Variants in RAB31 observed in about 807,000 individuals in gnomAD.
RAB31 encodes the protein ras-related protein Rab-31.
Under a neutral mutation model 25.6 loss-of-function variants are expected in RAB31, and 21 were observed. That is an observed-to-expected ratio of 0.82 (90% CI 0.58 to 1.18). The LOEUF is 1.18. Ranked by LOEUF, RAB31 falls within the 50% of genes most tolerant of loss-of-function variation. The probability of loss-of-function intolerance (pLI) is 0.00; values close to 1 mark genes in which losing one functional copy is unlikely to be tolerated. For synonymous variants in RAB31, 87 were observed against 84.0 expected (o/e 1.04, Z -0.20); for missense variants, 196 against 250.1 (o/e 0.78, Z 1.46).
chr18:9,725,486 G>A (rs540569573), intron 1 of RAB31, among the ~76,000 whole-genome samples: 4 of 152,264 alleles, frequency 2.6e-5, no homozygotes, highest in East Asian at 1.9e-4. Flanking sequence ...AGGATGCTTC[G>A]AGCAATAGAA....
intron 5 of RAB31, among the ~76,000 whole-genome samples, chr18:9,837,295 A>G (rs1042523826): frequency 6.6e-6 from 1 of 152,252 alleles, no homozygotes. Context: ...TGGAATAAAT[A>G]AGAGAAGGAA....
intron 1 of RAB31, among the ~76,000 whole-genome samples, chr18:9,747,255 C>T (rs28816142): frequency 0.054 from 8,260 of 151,974 alleles, 746 homozygotes; most frequent in African/African-American, 0.19. Context: ...AAAATGTTGG[C>T]GAGGATGTGC....
chr18:9,783,481 G>A lies in RAB31; in HGVS notation c.119+8124G>A, dbSNP rs2298505. 3.3e-5 allele frequency among the ~76,000 whole-genome samples: 5 copies of A among 152,232 alleles called. No individual in the cohort carries two copies. In the East Asian group the frequency reaches 7.7e-4, roughly 23 times the overall value. ...CTAACCCTGAGGAGAACTTTTTAAGGGTAGTAGGGTTGCTGTATTATTTAT... is the reference window on the plus strand; with the variant it reads ...CTAACCCTGAGGAGAACTTTTTAAGAGTAGTAGGGTTGCTGTATTATTTAT... On this transcript the variant is annotated intron_variant, in intron 2 of 6. Transcript: ENST00000578921.
intron 5 of RAB31, among the ~76,000 whole-genome samples, chr18:9,839,317 G>C (rs1213083877): frequency 6.6e-6 from 1 of 152,186 alleles, no homozygotes; most frequent in Admixed American, 6.5e-5. Flanking sequence ...GGGCAAACAG[G>C]GGAAGAGTAA....
At chr18:9,744,308 G>T (rs1003834598) in intron 1 of RAB31, among the ~76,000 whole-genome samples, 5 of 152,150 alleles carry the variant, frequency 3.3e-5, no homozygotes, top group African/African-American at 1.2e-4. Flanking sequence ...ATGCAAAAAT[G>T]TCTGTTAGCA....
chr18:9,748,788 G>A lies in RAB31; in HGVS notation c.40-26490G>A, dbSNP rs972250781. Among the ~76,000 whole-genome samples the A allele has an allele frequency of 3.3e-5, 5 of 152,104 alleles. 1 individual carries two copies. Among genetic ancestry groups the A allele is most frequent in the South Asian group, 2.1e-4 (1 of 4,826 alleles). On this transcript the variant is annotated intron_variant, in intron 1 of 6. Coordinates refer to ENST00000578921, the MANE Select transcript of RAB31 (RefSeq NM_006868.4). ...TGCCTGTAATCCCAGCTACTCGGGA[G>A]GCTGAGGCAAGAGAATCACTTGAAC...
rs555336489 is a variant in RAB31, at chr18:9,809,702, C to T, written c.202-4318C>T. Reference sequence around the variant, plus strand: ...CTAAGCCAAAATTTATGTGTCCATTCTTTAATTGTTAGACATTGAGATTGC... The same window carrying T: ...CTAAGCCAAAATTTATGTGTCCATTTTTTAATTGTTAGACATTGAGATTGC... On this transcript the variant is annotated intron_variant, in intron 3 of 6. Coordinates refer to ENST00000578921, the MANE Select transcript of RAB31 (RefSeq NM_006868.4). 2.6e-4 allele frequency among the ~76,000 whole-genome samples: 40 copies of T among 152,300 alleles called. 2 individuals are homozygous for T. The South Asian group carries it at 8.1e-3, about 31-fold the overall frequency.
Position 9,744,837 on chromosome 18 carries a change from T to C in RAB31, c.40-30441T>C, listed in dbSNP as rs147968719. The stretch of plus-strand genomic sequence containing the variant: ...AGAGCAGTGCTCAGAGGGAAACTTA[T>C]AGCCATAAACACCTACATTAAAAAA... On this transcript the variant is annotated intron_variant, in intron 1 of 6. Transcript: ENST00000578921. 4.3e-3 allele frequency among the ~76,000 whole-genome samples: 655 copies of C among 152,274 alleles called. 4 individuals carry two copies. The highest frequency in any genetic ancestry group is 0.015 in the African/African-American group (633 of 41,564).
intron 6 of RAB31, among the ~76,000 whole-genome samples, chr18:9,857,265 A>G (rs988535127): frequency 7.5e-6 from 1 of 132,594 alleles, no homozygotes; most frequent in African/African-American, 2.8e-5. Flanking sequence ...TGTCTATACC[A>G]TCTGATCTAC....
At position 9,796,566 on chromosome 18, in the gene RAB31, TTAAG is replaced by T. The variant is rs1288290255; in HGVS notation, c.201+4334_201+4337del. On this transcript the variant is annotated intron_variant, in intron 3 of 6. Coordinates refer to ENST00000578921, the MANE Select transcript of RAB31 (RefSeq NM_006868.4). The stretch of plus-strand genomic sequence containing the variant: ...TTATGTACTTTCACTTTTACCCAAA[TTAAG>T]TATTATATTAAAATGAGAAAGAAAA... Among the ~76,000 whole-genome samples the T allele has an allele frequency of 3.3e-5, 5 of 152,290 alleles. 1 individual carries two copies. In the East Asian group the frequency reaches 9.6e-4, roughly 29 times the overall value.
intron 1 of RAB31, among the ~76,000 whole-genome samples, chr18:9,723,925 C>G (rs942610236): frequency 3.9e-5 from 6 of 152,182 alleles, no homozygotes; most frequent in Non-Finnish European, 7.3e-5. Flanking sequence ...AATTTCAACA[C>G]AAGTTTTGGT....
chr18:9,855,732 C>T (rs1161047545), intron 6 of RAB31, among the ~76,000 whole-genome samples: 2 of 152,146 alleles, frequency 1.3e-5, no homozygotes, highest in African/African-American at 2.4e-5. Context: ...GGAAGCATTT[C>T]CTTCTCCCTG....
intron 5 of RAB31, among the ~76,000 whole-genome samples, chr18:9,820,465 T>G (rs928861801): frequency 6.6e-6 from 1 of 152,050 alleles, no homozygotes; most frequent in Non-Finnish European, 1.5e-5. Flanking sequence ...TAGTTTCCAT[T>G]TCTTAGAATA....
intron 1 of RAB31, among the ~76,000 whole-genome samples, chr18:9,733,502 A>G (rs997373930): frequency 2.1e-4 from 32 of 152,274 alleles, no homozygotes; most frequent in African/African-American, 6.0e-4. Flanking sequence ...CAGTGTCCAC[A>G]GGCATTCTGG....
At chr18:9,792,517 G>A (rs568269013) in intron 3 of RAB31, among the ~76,000 whole-genome samples, 8 of 152,190 alleles carry the variant, frequency 5.3e-5, no homozygotes, top group East Asian at 1.9e-4. Context: ...TTGCACTCTC[G>A]ATTTGGTTCA....
intron 5 of RAB31, among the ~76,000 whole-genome samples, chr18:9,837,449 A>G (rs1027921819): frequency 6.6e-6 from 1 of 152,266 alleles, no homozygotes; most frequent in Admixed American, 6.5e-5. Flanking sequence ...CTCAGAAGCC[A>G]TGGTTGAAAA....
intron 1 of RAB31, among the ~76,000 whole-genome samples, chr18:9,741,690 G>A (rs1157734664): frequency 6.6e-6 from 1 of 152,222 alleles, no homozygotes; most frequent in Non-Finnish European, 1.5e-5. Context: ...TCTCAGGGCT[G>A]TGGGCAGGGG....
chr18:9,758,143 A>T (rs1437563116), intron 1 of RAB31: 3 of 152,118 alleles, frequency 2.0e-5, no homozygotes, highest in Admixed American at 6.5e-5. Context: ...GCTCCTGTTC[A>T]TACGTCCCAT....
chr18:9,849,995 A>G (rs1267716553), intron 6 of RAB31, among the ~76,000 whole-genome samples: 1 of 152,210 alleles, frequency 6.6e-6, no homozygotes, highest in East Asian at 1.9e-4. Flanking sequence ...AAAAGGAGGA[A>G]AGTCTCCGCA....
Sources: gnomAD v4.1 joint callset for allele counts (sites outside exome capture counted in the v4.1 genomes callset) on GRCh38, gnomAD v4.1.1 for gene constraint, MANE v1.5 for transcripts, NCBI Gene and HGNC (gene_info 2026-07-23, HGNC 2026-07-21) for gene names.